ANKRD30A: variants seen among roughly 807,000 people sequenced by gnomAD.
ANKRD30A encodes ankyrin repeat domain-containing protein 30A.
A neutral mutation model predicts 166.3 loss-of-function variants in ANKRD30A; 170 were observed. The ratio of observed to expected loss-of-function variants is 1.02; its 90% CI spans 0.90 to 1.16. The LOEUF (loss-of-function observed/expected upper bound fraction) is 1.16. ANKRD30A is among the 50% of genes most tolerant of loss of function. The pLI, the probability that ANKRD30A is intolerant of heterozygous loss-of-function variation, is 0.00. For synonymous variants in ANKRD30A, 564 were observed against 508.9 expected, an observed-to-expected ratio of 1.11 and a Z score of -1.46; for missense variants, 1,630 against 1,518.0, an observed-to-expected ratio of 1.07 and a Z score of -1.23.
intron 31 of ANKRD30A, among the ~76,000 whole-genome samples, chr10:37,209,796 C>T (rs2132716148): frequency 6.6e-6 from 1 of 152,124 alleles, no homozygotes; most frequent in Middle Eastern, 3.4e-3. Context: ...TAGGGCAATG[C>T]AGGTTAACTA....
At position 37,216,357 on chromosome 10, in the gene ANKRD30A, CA is replaced by C. The variant is rs754130491; in HGVS notation, c.3051del (p.Val1018LeufsTer10). On this transcript the variant is annotated frameshift_variant, in exon 32 of 36. Coordinates refer to ENST00000361713, the MANE Select transcript of ANKRD30A (RefSeq NM_052997.3). LOFTEE classifies it high-confidence loss of function. ...AGAAATAAAATCACAGTTAGAGAAC[CA>C]AAAAGTTAAATGGGAACAAGAGCTC... The part of the protein sequence containing the change: ...AKEIKSQLEN[Q>X]KVKWEQELCS... The C allele has an allele frequency of 6.2e-6, 10 of 1,606,526 alleles. No individual in the cohort carries two copies. The highest frequency in any genetic ancestry group is 7.7e-6 in the Non-Finnish European group (9 of 1,175,646).
At chr10:37,194,692 T>C (rs898229764) in intron 27 of ANKRD30A, among the ~76,000 whole-genome samples, 18 of 152,196 alleles carry the variant, frequency 1.2e-4, no homozygotes, top group African/African-American at 4.3e-4. Context: ...CGTATTGTCC[T>C]GGAACTTCCT....
chr10:37,265,406 A>G, the ANKRD30A span, among the ~76,000 whole-genome samples: 4 of 152,064 alleles, frequency 2.6e-5, no homozygotes, highest in Non-Finnish European at 1.5e-5. Context: ...GACCCCAAAA[A>G]CAGGCTGCTG....
intron 31 of ANKRD30A, among the ~76,000 whole-genome samples, chr10:37,214,477 G>T (rs1291054777): frequency 6.7e-6 from 1 of 148,772 alleles, no homozygotes; most frequent in African/African-American, 2.5e-5. Context: ...TCTTTGCTTT[G>T]CTTTTGTTCT....
At chr10:37,199,081 G>A (rs1244896207) in intron 29 of ANKRD30A, among the ~76,000 whole-genome samples, 1 of 151,990 alleles carries the variant, frequency 6.6e-6, no homozygotes. Flanking sequence ...GACTCTGAAG[G>A]CATTGTTGCA....
the ANKRD30A span, among the ~76,000 whole-genome samples, chr10:37,243,826 A>G: frequency 1.3e-4 from 20 of 152,250 alleles, no homozygotes; most frequent in South Asian, 2.1e-4. Context: ...AAAAATAAGT[A>G]GATATTTTTT....
chr10:37,153,234 T>C (rs1300589378), intron 12 of ANKRD30A, among the ~76,000 whole-genome samples: 5 of 152,216 alleles, frequency 3.3e-5, no homozygotes, highest in Admixed American at 2.6e-4. Flanking sequence ...AAATGTCTTA[T>C]TTATTTTTGA....
rs187004100 is a variant in ANKRD30A at position 37,155,351 on chromosome 10, G to A, written c.1798+1689G>A. On this transcript the variant is annotated intron_variant, in intron 13 of 35. Coordinates refer to ENST00000361713, the MANE Select transcript of ANKRD30A (RefSeq NM_052997.3). ...ATGTTGGCATACTATTATAGCATAT[G>A]GTTATAAAAATCAATGAATATTTAT... is the stretch of plus-strand genomic sequence containing the variant. Among the ~76,000 whole-genome samples the A allele has an allele frequency of 2.0e-5, 3 of 152,176 alleles. No homozygotes were observed. The East Asian group carries it at 5.8e-4, about 29-fold the overall frequency.
At position 37,125,919 on chromosome 10, in the gene ANKRD30A, A is replaced by G; in HGVS notation, c.132A>G (p.Lys44=). ...VHSGDLRKIH[K]AASRGQVRKL... Reference sequence around the variant, plus strand: ...CTGGGGATCTTAGAAAGATCCATAAAGCTGCCTCCCGGGGACAAGTCCGGA... The same window carrying G: ...CTGGGGATCTTAGAAAGATCCATAAGGCTGCCTCCCGGGGACAAGTCCGGA... Residue 44 remains lysine (K), a synonymous_variant, in exon 1 of 36, where the codon AAA becomes AAG. Coordinates refer to ENST00000361713, the MANE Select transcript of ANKRD30A (RefSeq NM_052997.3). 6.2e-7 allele frequency: 1 copy of G among 1,609,690 alleles called. No individual in the cohort carries two copies. The highest frequency in any genetic ancestry group is 1.3e-5 in the African/African-American group (1 of 74,916).
intron 6 of ANKRD30A, among the ~76,000 whole-genome samples, chr10:37,139,558 G>T (rs1484637730): frequency 1.3e-5 from 2 of 152,192 alleles, no homozygotes; most frequent in East Asian, 1.9e-4. Context: ...ATTTATGCAA[G>T]GTAAGAATTA....
intron 21 of ANKRD30A, among the ~76,000 whole-genome samples, chr10:37,172,198 A>C (rs1186095053): frequency 1.0e-5 from 1 of 98,828 alleles, no homozygotes; most frequent in African/African-American, 4.4e-5. Context: ...ACAAAAAATT[A>C]GCCGGACGTG....
At position 37,199,733 on chromosome 10, in the gene ANKRD30A, T is replaced by C. The variant is rs1841467512; in HGVS notation, c.2723T>C (p.Met908Thr). ...KNEQTLRADQMFPSESKQKKV... is the reference protein window; with the variant it reads ...KNEQTLRADQTFPSESKQKKV... ...TGTGATTAACCTTTTATAGATCAGA[T>C]GTTCCCTTCAGAATCAAAACAAAAG... The change falls in exon 30 of 36, where the codon ATG becomes ACG. Residue 908 changes from methionine to threonine, a missense_variant. This residue lies in a region of ANKRD30A where 712 missense variants were observed against 629.3 expected (regional missense o/e 1.13). Coordinates refer to ENST00000361713, the MANE Select transcript of ANKRD30A (RefSeq NM_052997.3). The C allele has an allele frequency of 3.2e-6, 5 of 1,573,594 alleles. No homozygotes were observed. The highest frequency in any genetic ancestry group is 4.4e-6 in the Non-Finnish European group (5 of 1,148,616).
intron 13 of ANKRD30A, among the ~76,000 whole-genome samples, chr10:37,155,101 T>A (rs545690307): frequency 2.1e-3 from 318 of 152,304 alleles, no homozygotes; most frequent in Middle Eastern, 0.02. Context: ...ACCATAAAAT[T>A]CTGAATTTAT....
chr10:37,238,131 C>T, the ANKRD30A span, among the ~76,000 whole-genome samples: 2 of 152,100 alleles, frequency 1.3e-5, no homozygotes, highest in South Asian at 4.1e-4. Flanking sequence ...GAAGCTTCTT[C>T]CCCATGTTTT....
At chr10:37,246,350 A>G in the ANKRD30A span, among the ~76,000 whole-genome samples, 1 of 152,174 alleles carries the variant, frequency 6.6e-6, no homozygotes, top group Non-Finnish European at 1.5e-5. Context: ...TGTCCGATAA[A>G]CTGAACTTGA....
At chr10:37,141,522 G>A (rs1359690483) in intron 6 of ANKRD30A, among the ~76,000 whole-genome samples, 196 bp from the exon 7 acceptor site, 2 of 139,412 alleles carry the variant, frequency 1.4e-5, no homozygotes, top group Non-Finnish European at 3.0e-5. Context: ...GCATTGAGCT[G>A]AGATCACACC....
chr10:37,152,168 T>G (rs190082898), intron 12 of ANKRD30A, 47 bp downstream of exon 12: 5 of 1,459,728 alleles, frequency 3.4e-6, no homozygotes, highest in Non-Finnish European at 4.8e-6. Context: ...TTGCATGATA[T>G]GAAAACATAA....
At chr10:37,190,239 C>G (rs1333087265) in intron 25 of ANKRD30A, among the ~76,000 whole-genome samples, 1 of 151,958 alleles carries the variant, frequency 6.6e-6, no homozygotes, top group Non-Finnish European at 1.5e-5. Context: ...ATTCAGCCGA[C>G]TTGGGATTCT....
In ANKRD30A at chr10:37,149,844, G is replaced by A. The variant is rs376821949; in HGVS notation, c.1640G>A (p.Arg547Lys). Residue 547 changes from arginine to lysine, a missense_variant, in exon 11 of 36, where the codon AGA becomes AAA. By Grantham distance (26) the Arg-to-Lys change is conservative (BLOSUM62 2). Coordinates refer to ENST00000361713, the MANE Select transcript of ANKRD30A (RefSeq NM_052997.3). Reference sequence around the variant, plus strand: ...GAATTGAAGAATGAACAAACATTGAGAGCAGGTAAATTTTTCAATTTAACT... The same window carrying A: ...GAATTGAAGAATGAACAAACATTGAAAGCAGGTAAATTTTTCAATTTAACT... ...AFELKNEQTL[R>K]ADPMFPPESK... 197 of 1,612,496 alleles carry A rather than the reference G, an allele frequency of 1.2e-4. No individual in the cohort carries two copies. The highest frequency in any genetic ancestry group is 1.6e-4 in the Non-Finnish European group (185 of 1,178,984).
Sources: allele counts gnomAD v4.1 joint callset (sites outside exome capture counted in the v4.1 genomes callset), GRCh38; gene constraint gnomAD v4.1.1; regional missense constraint gnomAD v4.1.1; transcripts MANE v1.5; gene names NCBI Gene and HGNC (gene_info 2026-07-23, HGNC 2026-07-21).